EZH2: variants seen among roughly 807,000 people sequenced by gnomAD.
EZH2 encodes enhancer of zeste 2 polycomb repressive complex 2 subunit.
EZH2 carries 18 observed loss-of-function variants against 98.4 expected under a neutral mutation model. The observed-to-expected ratio is 0.18, with a 90% CI of 0.13 to 0.27. EZH2 has a LOEUF of 0.27. EZH2 is among the 10% of genes least tolerant of loss of function. EZH2 has a pLI of 1.00. For missense variants in EZH2, 470 were observed against 935.1 expected, an observed-to-expected ratio of 0.50 and a Z score of 6.49; for synonymous variants, 338 against 312.3, an observed-to-expected ratio of 1.08 and a Z score of -0.87.
At chr7:148,865,033 A>G (rs1818238406) in intron 1 of EZH2, among the ~76,000 whole-genome samples, 1 of 151,880 alleles carries the variant, frequency 6.6e-6, no homozygotes, top group Non-Finnish European at 1.5e-5. Context: ...AGTCTGAGGC[A>G]GGAGAATCGC....
chr7:148,871,047 G>A (rs1485938142), intron 1 of EZH2, among the ~76,000 whole-genome samples: 1 of 151,972 alleles, frequency 6.6e-6, no homozygotes, highest in Non-Finnish European at 1.5e-5. Flanking sequence ...TAATTAAAAT[G>A]CATGATTTTC....
intron 3 of EZH2, among the ~76,000 whole-genome samples, chr7:148,841,989 C>T (rs776886798): frequency 3.9e-5 from 6 of 152,054 alleles, no homozygotes; most frequent in Admixed American, 2.0e-4. Flanking sequence ...ATTTAAAAGT[C>T]CAAAAGTTTT....
intron 1 of EZH2, among the ~76,000 whole-genome samples, chr7:148,870,264 C>T (rs770780159): frequency 4.6e-5 from 7 of 152,266 alleles, no homozygotes; most frequent in African/African-American, 1.4e-4. Flanking sequence ...AAATAATTTT[C>T]GAAGTAGCCC....
chr7:148,830,211 G>GT (rs1008374168), intron 4 of EZH2, among the ~76,000 whole-genome samples: 1 of 152,186 alleles, frequency 6.6e-6, no homozygotes, highest in African/African-American at 2.4e-5. Flanking sequence ...ATTGAGACGA[G>GT]TGTCTCACTA....
intron 6 of EZH2, among the ~76,000 whole-genome samples, 180 bp downstream of exon 6, chr7:148,828,560 A>T (rs765787039): frequency 3.3e-5 from 5 of 152,136 alleles, no homozygotes; most frequent in Non-Finnish European, 7.4e-5. Flanking sequence ...AAGTGCTAGG[A>T]TTACAGAGTT....
At chr7:148,860,047 C>G (rs937724473) in intron 1 of EZH2, among the ~76,000 whole-genome samples, 2 of 152,132 alleles carry the variant, frequency 1.3e-5, no homozygotes, top group African/African-American at 4.8e-5. Context: ...TGAGGCTATG[C>G]CATTCTATAA....
At chr7:148,822,373 G>A (rs930211989) in intron 8 of EZH2, among the ~76,000 whole-genome samples, 1 of 151,768 alleles carries the variant, frequency 6.6e-6, no homozygotes, top group African/African-American at 2.4e-5. Context: ...AGCTGGATGT[G>A]GTAGCACATG....
chr7:148,883,001 G>A (rs539723782), intron 1 of EZH2, among the ~76,000 whole-genome samples: 2 of 152,288 alleles, frequency 1.3e-5, no homozygotes, highest in South Asian at 4.1e-4. Flanking sequence ...ACACACATTT[G>A]TCATAGCCAT....
In EZH2 at chr7:148,881,566, T is replaced by C. The variant is rs1820959776; in HGVS notation, c.-8+2598A>G. On this transcript the variant is annotated intron_variant, in intron 1 of 19. Coordinates refer to ENST00000320356, the MANE Select transcript of EZH2 (RefSeq NM_004456.5). ...TTTAAACCAATTCCCCAAAGAGATG[T>C]TTTTCAAAATATCTCATGGCAAGTA... 4.6e-5 allele frequency among the ~76,000 whole-genome samples: 7 copies of C among 152,062 alleles called. No homozygotes were observed. In the South Asian group the frequency reaches 1.4e-3, roughly 31 times the overall value.
At chr7:148,843,817 G>C (rs958700535) in intron 3 of EZH2, among the ~76,000 whole-genome samples, 1 of 151,672 alleles carries the variant, frequency 6.6e-6, no homozygotes, top group Non-Finnish European at 1.5e-5. Context: ...GGATGGTCTC[G>C]ATCTCCTGAC....
chr7:148,822,352 A>C (rs1432568848), intron 8 of EZH2, among the ~76,000 whole-genome samples: 1 of 151,840 alleles, frequency 6.6e-6, no homozygotes, highest in Non-Finnish European at 1.5e-5. Flanking sequence ...TCTACTAAAA[A>C]TAGAAAAATT....
chr7:148,849,777 G>A (rs973112229), intron 1 of EZH2, among the ~76,000 whole-genome samples: 17 of 152,210 alleles, frequency 1.1e-4, no homozygotes, highest in Non-Finnish European at 5.9e-5. Context: ...TTAGTTAACA[G>A]ATGAACTCAA....
chr7:148,878,452 T>C (rs1257381286), intron 1 of EZH2, among the ~76,000 whole-genome samples: 1 of 152,224 alleles, frequency 6.6e-6, no homozygotes, highest in Non-Finnish European at 1.5e-5. Context: ...ATTTCACTCC[T>C]TTTATGTCTG....
chr7:148,842,046 A>G (rs1377231750), intron 3 of EZH2, among the ~76,000 whole-genome samples: 1 of 152,198 alleles, frequency 6.6e-6, no homozygotes, highest in East Asian at 1.9e-4. Context: ...TGCTGCTTCT[A>G]TTAGACATTC....
chr7:148,883,304 A>C (rs1280543015), intron 1 of EZH2: 1 of 152,324 alleles, frequency 6.6e-6, no homozygotes, highest in African/African-American at 2.4e-5. Context: ...GGATGTACAC[A>C]ATGAAGTGGG....
rs774394372 is a variant in EZH2, at chr7:148,814,031, A to G, written c.1779T>C (p.Cys593=). 1 of 1,614,194 alleles carries G rather than the reference A, an allele frequency of 6.2e-7. No homozygotes were observed. The highest frequency in any genetic ancestry group is 8.5e-7 in the Non-Finnish European group (1 of 1,180,030). The change falls in exon 15 of 20, where the codon TGT becomes TGC. Residue 593 remains cysteine (C), a synonymous_variant. Coordinates refer to ENST00000320356, the MANE Select transcript of EZH2 (RefSeq NM_004456.5). ...RECDPDLCLT[C]GAADHWDSKN... ...TACTGTCCCAATGGTCAGCGGCTCCACAAGTAAGACAGAGGTCAGGGTCAC... is the reference window on the plus strand; with the variant it reads ...TACTGTCCCAATGGTCAGCGGCTCCGCAAGTAAGACAGAGGTCAGGGTCAC...
At chr7:148,857,155 C>T (rs1427483015) in intron 1 of EZH2, among the ~76,000 whole-genome samples, 6 of 152,152 alleles carry the variant, frequency 3.9e-5, no homozygotes, top group African/African-American at 9.7e-5. Flanking sequence ...TCCGATAAGC[C>T]GAAATCAAAG....
intron 1 of EZH2, among the ~76,000 whole-genome samples, chr7:148,848,082 G>C (rs1814638295): frequency 6.6e-6 from 1 of 152,110 alleles, no homozygotes; most frequent in South Asian, 2.1e-4. Context: ...TCTTTTCCTA[G>C]AACATTTTCT....
chr7:148,837,508 T>A (rs1418055865), intron 3 of EZH2, among the ~76,000 whole-genome samples: 1 of 152,208 alleles, frequency 6.6e-6, no homozygotes, highest in Non-Finnish European at 1.5e-5. Context: ...AGTTTTAAAT[T>A]AGCTAGCCCT....
Sources: allele counts gnomAD v4.1 joint callset (sites outside exome capture counted in the v4.1 genomes callset), GRCh38; gene constraint gnomAD v4.1.1; transcripts MANE v1.5; gene names NCBI Gene and HGNC (gene_info 2026-07-23, HGNC 2026-07-21).